Variants in ABCA13 observed in about 807,000 individuals in gnomAD.
ABCA13 encodes ATP binding cassette subfamily A member 13, also known as ATP-binding cassette sub-family A member 13.
ABCA13 carries 476 observed loss-of-function variants against 478.7 expected under a neutral mutation model. The observed-to-expected ratio is 0.99, with a 90% CI of 0.92 to 1.07. The LOEUF (loss-of-function observed/expected upper bound fraction) is 1.07. Ranked by LOEUF, ABCA13 falls within the 50% of genes least tolerant of loss-of-function variation. ABCA13 has a pLI of 0.00. For synonymous variants in ABCA13, 2,252 were observed against 2,158.9 expected, an observed-to-expected ratio of 1.04 and a Z score of -1.20; for missense variants, 6,060 against 5,910.6, an observed-to-expected ratio of 1.03 and a Z score of -0.83.
chr7:48,454,911 G>A, intron 42 of ABCA13, 126 bp from the exon 43 acceptor site: 1 of 1,305,302 alleles, frequency 7.7e-7, no homozygotes, highest in East Asian at 2.6e-5. Context: ...AGTCCTCATG[G>A]GGTGGGCCTG....
At chr7:48,570,686 T>C (rs1192750794) in intron 55 of ABCA13, among the ~76,000 whole-genome samples, 2 of 152,098 alleles carry the variant, frequency 1.3e-5, no homozygotes, top group Non-Finnish European at 2.9e-5. Flanking sequence ...ATAGACAGCA[T>C]ACAGTTGGAT....
chr7:48,383,748 T>C (rs1814753587), intron 35 of ABCA13, among the ~76,000 whole-genome samples: 1 of 152,206 alleles, frequency 6.6e-6, no homozygotes, highest in African/African-American at 2.4e-5. Flanking sequence ...ATCTCCAATA[T>C]CACCAACCAG....
chr7:48,196,805 G>C (rs1053236534), intron 2 of ABCA13, among the ~76,000 whole-genome samples: 1 of 152,140 alleles, frequency 6.6e-6, no homozygotes, highest in Non-Finnish European at 1.5e-5. Flanking sequence ...CACTATCTGG[G>C]CACTGTTGCT....
At position 48,506,356 on chromosome 7, in the gene ABCA13, C is replaced by G. The variant is rs571827203; in HGVS notation, c.13312C>G (p.Pro4438Ala). The change falls in exon 49 of 62, where the codon CCA becomes GCA. Residue 4438 changes from proline (P) to alanine (A), a missense_variant. This residue lies in a region of ABCA13 where 1,627 missense variants were observed against 1,571.0 expected (regional missense o/e 1.04). Transcript: ENST00000435803. ...CACAGGAATAACACTCTACAGCCAC[C>G]CATATGGAGGGGCCTTGCTGAACGA... ...RQYGITLYSH[P>A]YGGALLNEDK... 4 of 1,613,668 alleles carry G rather than the reference C, an allele frequency of 2.5e-6. No individual in the cohort carries two copies. Among genetic ancestry groups the G allele is most frequent in the Non-Finnish European group, 3.4e-6 (4 of 1,179,756 alleles).
At chr7:48,260,166 T>G (rs1252327776) in intron 15 of ABCA13, among the ~76,000 whole-genome samples, 1 of 152,066 alleles carries the variant, frequency 6.6e-6, no homozygotes, top group Non-Finnish European at 1.5e-5. Context: ...AGAGCAGTCA[T>G]GTGGAGGAAA....
At chr7:48,419,615 A>T (rs536076686) in intron 41 of ABCA13, among the ~76,000 whole-genome samples, 2 of 152,040 alleles carry the variant, frequency 1.3e-5, no homozygotes, top group South Asian at 2.1e-4. Flanking sequence ...AACAGCAAGA[A>T]CTCCTCATTA....
chr7:48,515,836 A>T (rs1832064663), intron 51 of ABCA13, among the ~76,000 whole-genome samples: 2 of 151,948 alleles, frequency 1.3e-5, no homozygotes, highest in South Asian at 2.1e-4. Flanking sequence ...ATATCTTTTG[A>T]TTCTCAATAT....
chr7:48,396,256 C>A (rs1272629083), intron 38 of ABCA13, among the ~76,000 whole-genome samples: 1 of 152,246 alleles, frequency 6.6e-6, no homozygotes, highest in Non-Finnish European at 1.5e-5. Context: ...GAAAGAAGCC[C>A]CTTGTGGGCT....
At chr7:48,286,023 T>C (rs1017856960) in intron 19 of ABCA13, among the ~76,000 whole-genome samples, 2 of 152,216 alleles carry the variant, frequency 1.3e-5, no homozygotes, top group Non-Finnish European at 2.9e-5. Flanking sequence ...AAAACTGTTT[T>C]AGTAATTAAT....
At chr7:48,563,641 G>A (rs1436325735) in intron 55 of ABCA13, among the ~76,000 whole-genome samples, 4 of 152,140 alleles carry the variant, frequency 2.6e-5, no homozygotes, top group Non-Finnish European at 4.4e-5. Flanking sequence ...CCCCCATGAG[G>A]CCTGTCAGGT....
At position 48,410,702 on chromosome 7, in the gene ABCA13, C is replaced by T. The variant is rs529325737; in HGVS notation, c.12228+25C>T. The T allele has an allele frequency of 9.7e-5, 154 of 1,595,166 alleles. 1 individual carries two copies. The South Asian group carries it at 1.6e-3, about 17-fold the overall frequency. On this transcript the variant is annotated intron_variant, in intron 40 of 61. Transcript: ENST00000435803. ...GGTAAGGAGTGCAACCATTCTATCT[C>T]ACTGAAGTCCCATTTCTGTCTGTGG...
intron 27 of ABCA13, among the ~76,000 whole-genome samples, chr7:48,320,198 T>C (rs1803235091): frequency 6.6e-6 from 1 of 152,158 alleles, no homozygotes; most frequent in Non-Finnish European, 1.5e-5. Context: ...ACTGACTATG[T>C]TGGGATGTGG....
intron 35 of ABCA13, among the ~76,000 whole-genome samples, chr7:48,383,398 C>T (rs1266834056): frequency 1.3e-5 from 2 of 152,116 alleles, no homozygotes; most frequent in African/African-American, 4.8e-5. Flanking sequence ...CACACACACA[C>T]GTATGGTGAT....
chr7:48,389,340 A>G, intron 37 of ABCA13, 120 bp downstream of exon 37: 2 of 1,148,550 alleles, frequency 1.7e-6, no homozygotes, highest in South Asian at 3.3e-5. Flanking sequence ...CTCAATACAG[A>G]GTTTAGAGAC....
rs1014002057 is a variant in ABCA13 at position 48,413,438 on chromosome 7, A to G, written c.12459+855A>G. 3.0e-4 allele frequency among the ~76,000 whole-genome samples: 45 copies of G among 152,182 alleles called. 1 individual carries two copies. Among genetic ancestry groups the G allele is most frequent in the Admixed American group, 2.6e-3 (39 of 15,272 alleles). On this transcript the variant is annotated intron_variant, in intron 41 of 61. Transcript: ENST00000435803. ...ACAGGCAGAAATAGGCGTTTCCTCC[A>G]GGAGGACATTGCTACGTTGTGTGAC...
chr7:48,273,306 A>T lies in ABCA13; in HGVS notation c.3640A>T (p.Lys1214Ter), dbSNP rs1795872019. The change falls in exon 17 of 62, where the codon AAA becomes TAA. Residue 1214 changes from lysine to a stop codon, truncating the protein, a stop_gained. Transcript: ENST00000435803. LOFTEE classifies it high-confidence loss of function. The stretch of plus-strand genomic sequence containing the variant: ...TGCTAGACTCATATTAAATTTGTTT[A>T]AAAATGTAACTCAAGCCAATGACTT... ...NVARLILNLF[K>*]NVTQANDFHN... 9.9e-6 allele frequency: 16 copies of T among 1,613,482 alleles called. No homozygotes were observed. The highest frequency in any genetic ancestry group is 1.3e-5 in the Non-Finnish European group (15 of 1,179,740).
intron 58 of ABCA13, among the ~76,000 whole-genome samples, chr7:48,612,868 T>G (rs945483121): frequency 3.4e-5 from 3 of 89,026 alleles, no homozygotes; most frequent in African/African-American, 1.6e-4. Context: ...TTTCTGGGTA[T>G]TTTTTTTTTT....
At position 48,274,213 on chromosome 7, in the gene ABCA13, A is replaced by T. The variant is rs747110841; in HGVS notation, c.4547A>T (p.Gln1516Leu). The T allele has an allele frequency of 2.1e-5, 34 of 1,612,904 alleles. No homozygotes were observed. Among genetic ancestry groups the T allele is most frequent in the Non-Finnish European group, 2.8e-5 (33 of 1,179,354 alleles). ...ACAACAGACTTTGATTTTGCATCTC[A>T]GTCCAATTGGAGATATTTTACTGAA... Reference protein sequence around the residue: ...NLTTDFDFASQSNWRYFTELI... With the variant: ...NLTTDFDFASLSNWRYFTELI... Residue 1516 changes from glutamine (Q) to leucine (L), a missense_variant, in exon 17 of 62, where the codon CAG becomes CTG. Physicochemically the swap from Gln to Leu is moderately radical, Grantham distance 113. Around this residue, in one of 3 missense-constraint regions of ABCA13, gnomAD observed 4,423 missense variants for 4,309.1 expected, o/e 1.03. Coordinates refer to ENST00000435803, the MANE Select transcript of ABCA13 (RefSeq NM_152701.5).
intron 4 of ABCA13, among the ~76,000 whole-genome samples, chr7:48,219,883 A>ACACACAC (rs1787102645): frequency 1.6e-5 from 2 of 126,510 alleles, no homozygotes; most frequent in Non-Finnish European, 1.7e-5. Context: ...ACCTTCCCCA[A>ACACACAC]ACACACACAC....
Sources: gnomAD v4.1 joint callset for allele counts (sites outside exome capture counted in the v4.1 genomes callset) on GRCh38, gnomAD v4.1.1 for gene constraint, gnomAD v4.1.1 regional missense constraint, MANE v1.5 for transcripts, NCBI Gene and HGNC (gene_info 2026-07-23, HGNC 2026-07-21) for gene names.